Variants in TMTC1 observed in about 807,000 individuals in gnomAD.
TMTC1 encodes protein O-mannosyl-transferase TMTC1.
A neutral mutation model predicts 104.8 loss-of-function variants in TMTC1; 73 were observed. The ratio of observed to expected loss-of-function variants is 0.70; its 90% CI spans 0.58 to 0.85. The LOEUF (loss-of-function observed/expected upper bound fraction) is 0.85, where lower values mean the gene tolerates loss of function less well. TMTC1 is among the 40% of genes least tolerant of loss of function. The probability of loss-of-function intolerance (pLI) is 0.00; values close to 1 mark genes in which losing one functional copy is unlikely to be tolerated. For missense variants in TMTC1, 1,035 were observed against 1,096.1 expected (o/e 0.94, Z 0.79); for synonymous variants, 434 against 428.7 (o/e 1.01, Z -0.15).
At chr12:29,613,956 C>G in intron 6 of TMTC1, 1 of 979,828 alleles carries the variant, frequency 1.0e-6, no homozygotes, top group Non-Finnish European at 1.2e-6. Flanking sequence ...ATACAGAAGA[C>G]AGTCCCTTTG....
intron 5 of TMTC1, among the ~76,000 whole-genome samples, chr12:29,659,264 A>C (rs7314058): frequency 0.64 from 96,745 of 152,118 alleles, 31,342 homozygotes; most frequent in East Asian, 0.85. Flanking sequence ...TTGTCCCCAC[A>C]AAATCTCATA....
intron 2 of TMTC1, 53 bp downstream of exon 2, chr12:29,767,841 CACGT>C (rs1383307594): frequency 1.9e-5 from 28 of 1,496,024 alleles, no homozygotes; most frequent in Admixed American, 9.2e-5. Context: ...TACACGTATA[CACGT>C]ATACATACAC....
intron 9 of TMTC1, among the ~76,000 whole-genome samples, chr12:29,562,438 A>T (rs1945400127): frequency 6.6e-6 from 1 of 152,230 alleles, no homozygotes; most frequent in Admixed American, 6.5e-5. Context: ...AATCATTTTA[A>T]ATGGCTGAAC....
At chr12:29,549,262 C>T (rs1322981745) in intron 10 of TMTC1, among the ~76,000 whole-genome samples, 1 of 151,578 alleles carries the variant, frequency 6.6e-6, no homozygotes, top group Non-Finnish European at 1.5e-5. Flanking sequence ...AAAAATTGTG[C>T]TAAATGAAAA....
At chr12:29,600,875 A>G (rs1396734601) in intron 7 of TMTC1, among the ~76,000 whole-genome samples, 1 of 152,214 alleles carries the variant, frequency 6.6e-6, no homozygotes, top group Non-Finnish European at 1.5e-5. Context: ...ACACTCAGAA[A>G]AAGATGACTT....
chr12:29,744,052 CAG>C (rs1433747071), intron 5 of TMTC1, among the ~76,000 whole-genome samples: 3 of 152,124 alleles, frequency 2.0e-5, no homozygotes, highest in African/African-American at 7.2e-5. Context: ...CCTGTTGTGA[CAG>C]TGATGGAATT....
At chr12:29,629,740 G>C (rs989046771) in intron 6 of TMTC1, among the ~76,000 whole-genome samples, 7 of 152,146 alleles carry the variant, frequency 4.6e-5, no homozygotes, top group African/African-American at 7.2e-5. Flanking sequence ...TTTGAAACTA[G>C]AAAGTGCTGG....
At chr12:29,511,233 G>A (rs1407755966) in intron 17 of TMTC1, among the ~76,000 whole-genome samples, 1 of 151,932 alleles carries the variant, frequency 6.6e-6, no homozygotes, top group Non-Finnish European at 1.5e-5. Flanking sequence ...ATTCATGTAT[G>A]TATGTTTGTA....
At chr12:29,595,668 G>A (rs1403317771) in intron 7 of TMTC1, among the ~76,000 whole-genome samples, 1 of 152,202 alleles carries the variant, frequency 6.6e-6, no homozygotes, top group Non-Finnish European at 1.5e-5. Context: ...GTTCAGGAGG[G>A]CACAGCGAGA....
chr12:29,728,640 C>T (rs947541345), intron 5 of TMTC1, among the ~76,000 whole-genome samples: 8 of 152,010 alleles, frequency 5.3e-5, no homozygotes, highest in African/African-American at 7.2e-5. Context: ...GCCTCATGAC[C>T]GCTGAACCAG....
At chr12:29,706,480 A>C (rs775868608) in intron 5 of TMTC1, among the ~76,000 whole-genome samples, 5 of 152,192 alleles carry the variant, frequency 3.3e-5, no homozygotes, top group Admixed American at 2.6e-4. Flanking sequence ...CTCCTGAATG[A>C]GCCACAATGC....
intron 10 of TMTC1, among the ~76,000 whole-genome samples, chr12:29,543,941 A>G (rs1339030105): frequency 6.6e-6 from 1 of 151,976 alleles, no homozygotes; most frequent in Admixed American, 6.6e-5. Context: ...ATGTGGTTAA[A>G]AGAATTTTAA....
intron 5 of TMTC1, among the ~76,000 whole-genome samples, chr12:29,737,668 G>A (rs1391774894): frequency 3.3e-5 from 5 of 152,106 alleles, no homozygotes; most frequent in African/African-American, 1.2e-4. Flanking sequence ...ACACCATAAG[G>A]GCTTGACCTC....
At position 29,517,876 on chromosome 12, in the gene TMTC1, G is replaced by A. The variant is rs147288896; in HGVS notation, c.2025-305C>T. Among the ~76,000 whole-genome samples, 896 of 152,094 alleles carry A rather than the reference G, an allele frequency of 5.9e-3. 5 individuals are homozygous for A. Among genetic ancestry groups the A allele is most frequent in the African/African-American group, 0.021 (855 of 41,498 alleles). On this transcript the variant is annotated intron_variant, in intron 13 of 17. Transcript: ENST00000539277. ...ATTACAGGTGCCCGCCATCATGCCC[G>A]GCTAATTTTTGTACTTTTAGTAGAG...
intron 10 of TMTC1, among the ~76,000 whole-genome samples, chr12:29,553,379 C>T (rs1350479256): frequency 6.6e-6 from 1 of 152,142 alleles, no homozygotes; most frequent in Admixed American, 6.5e-5. Context: ...GAAAGCTTTT[C>T]AGAGTTAGCT....
At chr12:29,570,712 T>C (rs1282627721) in intron 9 of TMTC1, among the ~76,000 whole-genome samples, 2 of 151,980 alleles carry the variant, frequency 1.3e-5, no homozygotes, top group Non-Finnish European at 2.9e-5. Context: ...ACCATGATGG[T>C]GCATGCCTGT....
chr12:29,653,961 C>T (rs1190995337), intron 5 of TMTC1, among the ~76,000 whole-genome samples: 1 of 152,128 alleles, frequency 6.6e-6, no homozygotes, highest in African/African-American at 2.4e-5. Context: ...ACAGCACAAA[C>T]TAAAGTTTTG....
At chr12:29,766,261 T>C (rs758520435) in intron 2 of TMTC1, among the ~76,000 whole-genome samples, 63 of 152,242 alleles carry the variant, frequency 4.1e-4, no homozygotes, top group Non-Finnish European at 7.2e-4. Context: ...ATTTAGAATT[T>C]TGTTGGTGGA....
chr12:29,615,220 A>G (rs1380587597), intron 6 of TMTC1, among the ~76,000 whole-genome samples: 1 of 152,200 alleles, frequency 6.6e-6, no homozygotes, highest in Non-Finnish European at 1.5e-5. Flanking sequence ...AGTTCTGTTA[A>G]AAGTGCAGCC....
Sources: gnomAD v4.1 joint callset for allele counts (sites outside exome capture counted in the v4.1 genomes callset) on GRCh38, gnomAD v4.1.1 for gene constraint, MANE v1.5 for transcripts, NCBI Gene and HGNC (gene_info 2026-07-23, HGNC 2026-07-21) for gene names.